GSDMA: variants seen among roughly 807,000 people sequenced by gnomAD.
GSDMA encodes gasdermin A, also known as gasdermin-A.
In GSDMA, 55 loss-of-function variants were observed where a neutral mutation model predicts 54.3. The observed-to-expected ratio is 1.01, with a 90% CI of 0.82 to 1.27. GSDMA has a LOEUF of 1.27. Among genes scored for constraint, GSDMA ranks in the 50% most tolerant of loss-of-function variants. The probability of loss-of-function intolerance (pLI) is 0.00; values close to 1 mark genes in which losing one functional copy is unlikely to be tolerated. For missense variants in GSDMA, 542 were observed against 542.6 expected (o/e 1.00, Z 0.01); for synonymous variants, 211 against 224.7 (o/e 0.94, Z 0.54).
At chr17:39,974,843 C>A in intron 9 of GSDMA, 57 bp from the exon 10 acceptor site, 1 of 934,734 alleles carries the variant, frequency 1.1e-6, no homozygotes, top group Non-Finnish European at 1.7e-6. Flanking sequence ...ATGTGCTGGG[C>A]CCTGGGTTGG....
At chr17:39,974,502 C>A in intron 9 of GSDMA, 75 bp downstream of exon 9, 1 of 1,444,518 alleles carries the variant, frequency 6.9e-7, no homozygotes. Context: ...GCGGGTATTG[C>A]AGCAGGTAGG....
At chr17:39,967,388 G>A (rs1301334069) in intron 3 of GSDMA, among the ~76,000 whole-genome samples, 1 of 152,180 alleles carries the variant, frequency 6.6e-6, no homozygotes, top group African/African-American at 2.4e-5. Flanking sequence ...GCTGGGAGAA[G>A]GGTATTATGA....
intron 1 of GSDMA, among the ~76,000 whole-genome samples, chr17:39,965,238 A>G (rs1189149117): frequency 7.5e-6 from 1 of 132,560 alleles, no homozygotes; most frequent in Non-Finnish European, 1.6e-5. Flanking sequence ...AGAAGGAAGG[A>G]AGGAAGAAAG....
chr17:39,966,202 C>G, intron 2 of GSDMA, 58 bp from the exon 3 acceptor site: 1 of 1,571,162 alleles, frequency 6.4e-7, no homozygotes, highest in East Asian at 2.2e-5. Context: ...GCTGGGATTA[C>G]AGGCATGAGT....
At chr17:39,968,895 G>A (rs1226809323) in intron 3 of GSDMA, among the ~76,000 whole-genome samples, 5 of 152,180 alleles carry the variant, frequency 3.3e-5, no homozygotes, top group Non-Finnish European at 7.3e-5. Context: ...GAAGACACAG[G>A]TTAGAGGTAG....
intron 6 of GSDMA, 76 bp from the exon 7 acceptor site, chr17:39,972,511 T>G (rs1979998224): frequency 3.0e-6 from 4 of 1,345,186 alleles, no homozygotes; most frequent in Non-Finnish European, 4.2e-6. Context: ...CTGATGAAAC[T>G]GCCTTGAAGA....
At chr17:39,968,800 A>G (rs1263306979) in intron 3 of GSDMA, among the ~76,000 whole-genome samples, 3 of 152,162 alleles carry the variant, frequency 2.0e-5, no homozygotes. Flanking sequence ...GATGAGGGAA[A>G]GGGTTTTGTC....
intron 7 of GSDMA, among the ~76,000 whole-genome samples, chr17:39,973,272 C>CTTTT (rs113462964): frequency 7.0e-6 from 1 of 143,186 alleles, no homozygotes; most frequent in Admixed American, 6.9e-5. Context: ...GGCGCCTGGC[C>CTTTT]TTTTTTTTTT....
chr17:39,974,562 T>TA, intron 9 of GSDMA, 135 bp downstream of exon 9: 1 of 958,790 alleles, frequency 1.0e-6, no homozygotes, highest in Non-Finnish European at 1.5e-6. Context: ...CCACCTTAGA[T>TA]ACCTTCCCCA....
Position 39,974,348 on chromosome 17 carries a change from G to C in GSDMA, c.827G>C (p.Arg276Pro). 6.2e-7 allele frequency: 1 copy of C among 1,606,810 alleles called. No individual in the cohort carries two copies. The highest frequency in any genetic ancestry group is 1.1e-5 in the South Asian group (1 of 89,564). Residue 276 changes from arginine (R) to proline (P), a missense_variant, in exon 9 of 12, where the codon CGA becomes CCA. By Grantham distance (103) the Arg-to-Pro change is moderately radical. Transcript: ENST00000301659. ...ACCCAACAAGTGGAGAAGCTGAGCC[G>C]AGTAGGGCAAAGCTCCCTGCTCAGC... The part of the protein sequence containing the change: ...RETQQVEKLS[R>P]VGQSSLLSSL...
rs1238217948 is a variant in GSDMA, at chr17:39,974,936, C to G, written c.943C>G (p.Leu315Val). Residue 315 changes from leucine to valine, a missense_variant, in exon 10 of 12, where the codon CTG becomes GTG. Physicochemically the swap from Leu to Val is conservative, Grantham distance 32. Coordinates refer to ENST00000301659, the MANE Select transcript of GSDMA (RefSeq NM_178171.5). ...GALDKGHEVT[L>V]EALPKDVLLS... Reference sequence around the variant, plus strand: ...TCTAGACAAGGGACATGAAGTGACCCTGGAGGCACTCCCAAAAGATGTCCT... The same window carrying G: ...TCTAGACAAGGGACATGAAGTGACCGTGGAGGCACTCCCAAAAGATGTCCT... 1 of 1,611,994 alleles carries G rather than the reference C, an allele frequency of 6.2e-7. No individual in the cohort carries two copies. The highest frequency in any genetic ancestry group is 1.7e-5 in the Admixed American group (1 of 59,572).
In GSDMA at chr17:39,977,413, T is replaced by A. The variant is rs1330988909; in HGVS notation, c.*355T>A. 5.7e-6 allele frequency: 1 copy of A among 175,262 alleles called. No homozygotes were observed. Among genetic ancestry groups the A allele is most frequent in the African/African-American group, 2.5e-5 (1 of 40,648 alleles). 10.9% of individuals were successfully genotyped at this position (175,262 alleles called of 1,614,324 possible). On this transcript the variant is annotated 3_prime_UTR_variant, in exon 12 of 12. Transcript: ENST00000301659. ...TTCAAGCAATTCTCCTGCCTCAGCC[T>A]CTCGAGCAGCTGGAATTACAGGCAC...
At chr17:39,972,512 G>A (rs8077456) in intron 6 of GSDMA, 75 bp from the exon 7 acceptor site, 1 of 1,362,040 alleles carries the variant, frequency 7.3e-7, no homozygotes, top group South Asian at 1.2e-5. Flanking sequence ...TGATGAAACT[G>A]CCTTGAAGAC....
rs1255613878 is a variant in GSDMA at position 39,971,637 on chromosome 17, A to G, written c.655+17A>G. Reference sequence around the variant, plus strand: ...ATGAGTGGGGTGAGCAGAGACCCGCATGTTCTCCCCACAAGATGAGAATTA... The same window carrying G: ...ATGAGTGGGGTGAGCAGAGACCCGCGTGTTCTCCCCACAAGATGAGAATTA... On this transcript the variant is annotated intron_variant, in intron 5 of 11. Transcript: ENST00000301659. 1.9e-6 allele frequency: 3 copies of G among 1,582,570 alleles called. No homozygotes were observed. Among genetic ancestry groups the G allele is most frequent in the African/African-American group, 2.7e-5 (2 of 74,276 alleles).
chr17:39,965,912 A>G lies in GSDMA; in HGVS notation c.214+11A>G, dbSNP rs376776703. On this transcript the variant is annotated intron_variant, in intron 2 of 11. Coordinates refer to ENST00000301659, the MANE Select transcript of GSDMA (RefSeq NM_178171.5). ...GCAGCTCACCTTCAGGTCAGCCTCA[A>G]GCGGGGCTGGGAACTGAGGGATACT... The G allele has an allele frequency of 1.5e-4, 225 of 1,550,054 alleles. 1 individual carries two copies. Among genetic ancestry groups the G allele is most frequent in the East Asian group, 2.4e-5 (1 of 41,002 alleles).
chr17:39,970,298 C>T (rs1181516010), intron 3 of GSDMA, among the ~76,000 whole-genome samples, 184 bp from the exon 4 acceptor site: 1 of 152,190 alleles, frequency 6.6e-6, no homozygotes, highest in East Asian at 1.9e-4. Context: ...GCAATTAAGA[C>T]TCAGAGAAGC....
In GSDMA at chr17:39,976,804, G is replaced by T; in HGVS notation, c.1096-12G>T. On this transcript the variant is annotated splice_polypyrimidine_tract_variant and intron_variant, in intron 11 of 11. Coordinates refer to ENST00000301659, the MANE Select transcript of GSDMA (RefSeq NM_178171.5). ...CAGTTCTTTCTTTTCATGCTGTTTT[G>T]ATTCCCTCCAGGTGGAGAGCACGAT... 6.2e-7 allele frequency: 1 copy of T among 1,613,318 alleles called. No individual in the cohort carries two copies. The highest frequency in any genetic ancestry group is 1.1e-5 in the South Asian group (1 of 91,052).
rs928620906 is a variant in GSDMA, at chr17:39,977,262, T to C, written c.*204T>C. 232 of 500,456 alleles carry C rather than the reference T, an allele frequency of 4.6e-4. No homozygotes were observed. Among genetic ancestry groups the C allele is most frequent in the Non-Finnish European group, 7.0e-4 (201 of 286,586 alleles). 31.0% of individuals were successfully genotyped at this position (500,456 alleles called of 1,614,324 possible). ...TCCGCAACCCACTAAGCCCATCTGC[T>C]GATGCTTAAATTTTCTTTACTTTTC... On this transcript the variant is annotated 3_prime_UTR_variant, in exon 12 of 12. Coordinates refer to ENST00000301659, the MANE Select transcript of GSDMA (RefSeq NM_178171.5).
intron 3 of GSDMA, among the ~76,000 whole-genome samples, chr17:39,969,903 G>GA (rs60386423): frequency 1 from 151,828 of 151,832 alleles, 75,912 homozygotes; most frequent in Middle Eastern, 1. Flanking sequence ...TGAAATGAAG[G>GA]AAAAAATAGG....
Sources: gnomAD v4.1 joint callset for allele counts (sites outside exome capture counted in the v4.1 genomes callset) on GRCh38, gnomAD v4.1.1 for gene constraint, MANE v1.5 for transcripts, NCBI Gene and HGNC (gene_info 2026-07-23, HGNC 2026-07-21) for gene names.